TSPOAP1: variants seen among roughly 807,000 people sequenced by gnomAD.
TSPOAP1 encodes peripheral-type benzodiazepine receptor-associated protein 1.
In TSPOAP1, 87 loss-of-function variants were observed where a neutral mutation model predicts 197.0. The observed-to-expected ratio is 0.44, with a 90% CI of 0.37 to 0.53. The LOEUF is 0.53. Among genes scored for constraint, TSPOAP1 ranks in the 20% least tolerant of loss-of-function variants. The pLI, the probability that TSPOAP1 is intolerant of heterozygous loss-of-function variation, is 0.00. For synonymous variants in TSPOAP1, 913 were observed against 998.9 expected (o/e 0.91, Z 1.62); for missense variants, 2,174 against 2,411.3 (o/e 0.90, Z 2.06).
At chr17:58,316,394 G>T in intron 15 of TSPOAP1, 31 bp downstream of exon 15, 1 of 1,576,056 alleles carries the variant, frequency 6.3e-7, no homozygotes, top group South Asian at 1.1e-5. Flanking sequence ...GCTGGGGCTG[G>T]GCTAGGGGGC....
Position 58,304,926 on chromosome 17 carries a change from C to A in TSPOAP1, c.5544+135G>T, listed in dbSNP as rs753921812. On this transcript the variant is annotated intron_variant, in intron 30 of 31. Transcript: ENST00000343736. This position sits in a 1 kb window ranked among gnomAD's most constrained non-coding sequence, Gnocchi z 4.2. Reference sequence around the variant, plus strand: ...GGGCTCCCCTCTGGTGGTCAATTAGCGGCTGCACGCTGGACACAGTGCTTA... The same window carrying A: ...GGGCTCCCCTCTGGTGGTCAATTAGAGGCTGCACGCTGGACACAGTGCTTA... The A allele has an allele frequency of 2.7e-6, 2 of 733,570 alleles. No individual in the cohort carries two copies. The highest frequency in any genetic ancestry group is 4.9e-6 in the Non-Finnish European group (2 of 404,112). 45.4% of individuals were successfully genotyped at this position (733,570 alleles called of 1,614,324 possible).
intron 11 of TSPOAP1, 119 bp downstream of exon 11, chr17:58,320,411 AT>A: frequency 6.5e-6 from 8 of 1,224,990 alleles, no homozygotes; most frequent in Non-Finnish European, 8.9e-6. Flanking sequence ...GTCCTGGAGC[AT>A]TTAAGGGCCC....
intron 13 of TSPOAP1, 40 bp from the exon 14 acceptor site, chr17:58,318,492 T>G (rs1305441196): frequency 1.3e-6 from 2 of 1,581,442 alleles, no homozygotes; most frequent in East Asian, 4.6e-5. Context: ...GTCTGTGGCC[T>G]GAGGAGGGAC....
In TSPOAP1 at chr17:58,311,083, G is replaced by A. The variant is rs765441324; in HGVS notation, c.3212C>T (p.Pro1071Leu). ...SPHGESADSI[P>L]APITPALAPA... Reference sequence around the variant, plus strand: ...AGCCAGGGCGGGAGTGATAGGAGCCGGGATGGAGTCCGCCGACTCCCCGTG... The same window carrying A: ...AGCCAGGGCGGGAGTGATAGGAGCCAGGATGGAGTCCGCCGACTCCCCGTG... The change falls in exon 19 of 32, where the codon CCG (proline) becomes CTG (leucine). Residue 1071 changes from proline to leucine, a missense_variant. Around this residue, in one of 5 missense-constraint regions of TSPOAP1, gnomAD observed 1,933 missense variants for 2,139.0 expected, o/e 0.90. Coordinates refer to ENST00000343736, the MANE Select transcript of TSPOAP1 (RefSeq NM_004758.4). 3.5e-5 allele frequency: 55 copies of A among 1,582,318 alleles called. No homozygotes were observed. Among genetic ancestry groups the A allele is most frequent in the African/African-American group, 5.4e-5 (4 of 74,180 alleles).
chr17:58,305,706 C>A (rs1970863139), intron 27 of TSPOAP1, 63 bp from the exon 28 acceptor site: 2 of 1,407,952 alleles, frequency 1.4e-6, no homozygotes, highest in African/African-American at 2.8e-5. Flanking sequence ...ATCCTGTCTT[C>A]TGCCCCGGAC....
Position 58,319,094 on chromosome 17 carries a change from G to C in TSPOAP1, c.1695C>G (p.Pro565=), listed in dbSNP as rs1339826997. The change falls in exon 13 of 32, where the codon CCC becomes CCG. Residue 565 remains proline (P), a synonymous_variant. Transcript: ENST00000343736. ...SIPQPCRGSG[P]KDLDLPPGSP... ...TGCCACTGGGGTCCACCTTACCTTT[G>C]GGGCCAGACCCCCGGCAAGGCTGGG... is the stretch of plus-strand genomic sequence containing the variant. 7.2e-6 allele frequency: 11 copies of C among 1,529,618 alleles called. No individual in the cohort carries two copies. The highest frequency in any genetic ancestry group is 9.7e-6 in the Non-Finnish European group (11 of 1,131,472). The allele number at this position is 1,529,618 out of a possible 1,614,324, so 94.8% of individuals were successfully genotyped here.
intron 12 of TSPOAP1, 128 bp from the exon 13 acceptor site, chr17:58,319,422 C>T: frequency 9.3e-7 from 1 of 1,074,538 alleles, no homozygotes; most frequent in Non-Finnish European, 1.3e-6. Context: ...GCCTGGGCAC[C>T]AGCCTTGCCT....
At chr17:58,308,409 G>T (rs1970974387) in intron 22 of TSPOAP1, 132 bp downstream of exon 22, 2 of 1,341,102 alleles carry the variant, frequency 1.5e-6, no homozygotes, top group Non-Finnish European at 1.0e-6. Context: ...GCAGGTGAGG[G>T]AGCCCGGAGG....
At chr17:58,319,771 T>C (rs1971347417) in intron 12 of TSPOAP1, among the ~76,000 whole-genome samples, 1 of 152,216 alleles carries the variant, frequency 6.6e-6, no homozygotes, top group Non-Finnish European at 1.5e-5. Flanking sequence ...AATGGGCCAA[T>C]GCCCGGGAAG....
In TSPOAP1 at chr17:58,305,187, C is replaced by T. The variant is rs142129538; in HGVS notation, c.5434-16G>A. Reference sequence around the variant, plus strand: ...TTAATTCCCCCTGGAGAGAAGAGGCCGGTGAGACTGAGATCAGGAAAGAGG... The same window carrying T: ...TTAATTCCCCCTGGAGAGAAGAGGCTGGTGAGACTGAGATCAGGAAAGAGG... On this transcript the variant is annotated splice_polypyrimidine_tract_variant and intron_variant, in intron 29 of 31. Transcript: ENST00000343736. 4 of 1,588,760 alleles carry T rather than the reference C, an allele frequency of 2.5e-6. No homozygotes were observed. Among genetic ancestry groups the T allele is most frequent in the East Asian group, 2.2e-5 (1 of 44,760 alleles).
At chr17:58,307,001 T>A (rs774572723) in intron 24 of TSPOAP1, 33 bp from the exon 25 acceptor site, 1 of 1,601,004 alleles carries the variant, frequency 6.2e-7, no homozygotes, top group Non-Finnish European at 8.5e-7. Context: ...CAGCCAGTTC[T>A]GCTCACTCCC....
chr17:58,302,507 C>T (rs571975808), intron 31 of TSPOAP1, 60 bp from the exon 32 acceptor site: 2 of 1,152,394 alleles, frequency 1.7e-6, no homozygotes, highest in South Asian at 3.2e-5. Context: ...CCCCCTGACC[C>T]ATTTTTTCCA....
intron 17 of TSPOAP1, 40 bp from the exon 18 acceptor site, chr17:58,311,762 C>T (rs368041162): frequency 3.9e-6 from 6 of 1,526,240 alleles, no homozygotes; most frequent in Non-Finnish European, 5.3e-6. Context: ...ATGCAGGACG[C>T]TCCCCATCAG....
chr17:58,310,745 C>G lies in TSPOAP1; in HGVS notation c.3466G>C (p.Ala1156Pro). 6.2e-7 allele frequency: 1 copy of G among 1,611,990 alleles called. No homozygotes were observed. Among genetic ancestry groups the G allele is most frequent in the Non-Finnish European group, 8.5e-7 (1 of 1,179,238 alleles). ...DPPAPCSQEE[A>P]GAAVLGTSEE... ...GAGGTGCCCAGCACTGCTGCCCCAG[C>G]CTCCTCCTGGAACAGAGAGCACTGA... Residue 1156 changes from alanine (A) to proline (P), a missense_variant, in exon 20 of 32, where the codon GCT becomes CCT. Coordinates refer to ENST00000343736, the MANE Select transcript of TSPOAP1 (RefSeq NM_004758.4).
intron 13 of TSPOAP1, 151 bp downstream of exon 13, chr17:58,318,939 C>T: frequency 1.1e-6 from 1 of 910,610 alleles, no homozygotes; most frequent in East Asian, 2.7e-5. Context: ...CTTTATTTTT[C>T]CCCAACAGAA....
At chr17:58,320,648 C>A in intron 10 of TSPOAP1, 67 bp from the exon 11 acceptor site, 3 of 1,200,754 alleles carry the variant, frequency 2.5e-6, no homozygotes, top group South Asian at 2.7e-5. Context: ...GAGAGGGCTG[C>A]GAGGGAGGAA....
chr17:58,308,696 C>T lies in TSPOAP1; in HGVS notation c.4576G>A (p.Glu1526Lys). 6.2e-7 allele frequency: 1 copy of T among 1,613,002 alleles called. No homozygotes were observed. The highest frequency in any genetic ancestry group is 8.5e-7 in the Non-Finnish European group (1 of 1,179,938). ...ITSSCYPGDGEAWGTATVGRP... is the reference protein window; with the variant it reads ...ITSSCYPGDGKAWGTATVGRP... ...CCTACAGTTGCTGTGCCCCAGGCCT[C>T]CCCATCTCCAGGGTAGCAGGAGCTG... Residue 1526 changes from glutamate to lysine, a missense_variant, in exon 22 of 32, where the codon GAG (glutamate) becomes AAG (lysine). Around this residue, in one of 5 missense-constraint regions of TSPOAP1, gnomAD observed 1,933 missense variants for 2,139.0 expected, o/e 0.90. Transcript: ENST00000343736.
chr17:58,322,692 G>C lies in TSPOAP1; in HGVS notation c.1279C>G (p.Leu427Val), dbSNP rs1971438517. ...TCCAGGCTCTCCAGCTTGCTCTGCA[G>C]GCCCTGGCTCTTGCGAAGGGCTGAG... ...RDSALRKSQG[L>V]QSKLESLEQV... The change falls in exon 9 of 32, where the codon CTG becomes GTG. Residue 427 changes from leucine (L) to valine (V), a missense_variant. Around this residue, in one of 5 missense-constraint regions of TSPOAP1, gnomAD observed 1,933 missense variants for 2,139.0 expected, o/e 0.90. Coordinates refer to ENST00000343736, the MANE Select transcript of TSPOAP1 (RefSeq NM_004758.4). The surrounding 1 kb of genome is among the most constrained non-coding windows in gnomAD (Gnocchi z 5.0). The C allele has an allele frequency of 6.2e-7, 1 of 1,611,772 alleles. No individual in the cohort carries two copies. The highest frequency in any genetic ancestry group is 1.3e-5 in the African/African-American group (1 of 74,828).
intron 15 of TSPOAP1, 103 bp from the exon 16 acceptor site, chr17:58,316,235 T>C (rs1971229999): frequency 7.6e-6 from 9 of 1,188,570 alleles, no homozygotes; most frequent in Non-Finnish European, 8.7e-6. Context: ...GGAGACTTGG[T>C]TGTGGTTGTC....
Sources: gnomAD v4.1 joint callset for allele counts (sites outside exome capture counted in the v4.1 genomes callset) on GRCh38, gnomAD v4.1.1 for gene constraint, gnomAD v4.1.1 regional missense constraint, Gnocchi (gnomAD v3.1) non-coding constraint, MANE v1.5 for transcripts, NCBI Gene and HGNC (gene_info 2026-07-23, HGNC 2026-07-21) for gene names.